ACYP2: variants seen among roughly 807,000 people sequenced by gnomAD.
ACYP2 encodes the protein acylphosphatase-2.
In ACYP2, 12 loss-of-function variants were observed where a neutral mutation model predicts 11.2. The observed-to-expected ratio is 1.08, with a 90% confidence interval of 0.69 to 1.74. The LOEUF is 1.74. Ranked by LOEUF, ACYP2 falls within the 40% of genes most tolerant of loss-of-function variation. ACYP2 has a pLI of 0.00. For synonymous variants in ACYP2, 43 were observed against 32.2 expected (o/e 1.33, Z -1.13); for missense variants, 134 against 101.9 (o/e 1.31, Z -1.35).
At chr2:54,136,135 G>T (rs1244749957) in intron 5 of ACYP2, among the ~76,000 whole-genome samples, 1 of 152,164 alleles carries the variant, frequency 6.6e-6, no homozygotes, top group Non-Finnish European at 1.5e-5. Context: ...CTAGCCTTAA[G>T]TGATCCAGCC....
chr2:54,244,555 A>G (rs562907621), intron 6 of ACYP2, among the ~76,000 whole-genome samples: 1 of 152,206 alleles, frequency 6.6e-6, no homozygotes, highest in Non-Finnish European at 1.5e-5. Context: ...CATACACCAA[A>G]TTCTGTATGC....
At chr2:54,078,350 TA>T (rs574549983) in intron 4 of ACYP2, among the ~76,000 whole-genome samples, 89 of 139,540 alleles carry the variant, frequency 6.4e-4, no homozygotes, top group Admixed American at 8.6e-4. Flanking sequence ...GATATCTTCC[TA>T]AAAAAAAAAA....
chr2:54,035,358 C>T (rs1674838829), intron 2 of ACYP2, among the ~76,000 whole-genome samples: 1 of 150,978 alleles, frequency 6.6e-6, no homozygotes, highest in African/African-American at 2.4e-5. Flanking sequence ...CTCCGCCTCC[C>T]GGGTTCACGC....
At chr2:54,008,440 A>G (rs182804818) in intron 2 of ACYP2, among the ~76,000 whole-genome samples, 1 of 152,304 alleles carries the variant, frequency 6.6e-6, no homozygotes, top group African/African-American at 2.4e-5. Context: ...AAAAGAGCAA[A>G]TAAGTCCAGA....
At chr2:54,289,542 A>G (rs1250878801) in intron 6 of ACYP2, among the ~76,000 whole-genome samples, 5 of 152,004 alleles carry the variant, frequency 3.3e-5, no homozygotes, top group Non-Finnish European at 5.9e-5. Flanking sequence ...ATTTTTGTTA[A>G]AAGTTGGCAT....
At chr2:54,099,702 T>G (rs1008336631) in intron 4 of ACYP2, among the ~76,000 whole-genome samples, 8 of 152,232 alleles carry the variant, frequency 5.3e-5, no homozygotes, top group African/African-American at 1.7e-4. Context: ...TCCATATCTT[T>G]TATTTATTTT....
intron 2 of ACYP2, among the ~76,000 whole-genome samples, chr2:54,027,614 A>T (rs1183161110): frequency 6.6e-6 from 1 of 152,106 alleles, no homozygotes; most frequent in Non-Finnish European, 1.5e-5. Context: ...GTCTTTTATT[A>T]TAGAGGTCTC....
At chr2:54,136,141 C>T (rs1472474211) in intron 5 of ACYP2, among the ~76,000 whole-genome samples, 1 of 152,124 alleles carries the variant, frequency 6.6e-6, no homozygotes, top group African/African-American at 2.4e-5. Flanking sequence ...TTAAGTGATC[C>T]AGCCACCTCA....
chr2:54,138,666 G>C lies in ACYP2; in HGVS notation c.322G>C (p.Gly108Arg). The stretch of plus-strand genomic sequence containing the variant: ...TACAGAAGATGAAGCTAGGAAAATA[G>C]GAGTGGTTGGCTGGGTGAAGAATAC... The change falls in exon 6 of 7, where the codon GGA (glycine) becomes CGA (arginine). Residue 108 changes from glycine (G) to arginine (R), a missense_variant. Coordinates refer to ENST00000607452, the MANE Select transcript of ACYP2 (RefSeq NM_001320586.2). 1 of 1,614,064 alleles carries C rather than the reference G, an allele frequency of 6.2e-7. No individual in the cohort carries two copies. Among genetic ancestry groups the C allele is most frequent in the Non-Finnish European group, 8.5e-7 (1 of 1,179,958 alleles).
intron 1 of ACYP2, among the ~76,000 whole-genome samples, chr2:53,972,812 G>T (rs564032425): frequency 6.6e-6 from 1 of 152,218 alleles, no homozygotes; most frequent in Non-Finnish European, 1.5e-5. Flanking sequence ...ACGCTGGGTA[G>T]ATAGGTGAAG....
At chr2:54,148,014 A>G (rs756459298) in intron 6 of ACYP2, among the ~76,000 whole-genome samples, 2 of 152,194 alleles carry the variant, frequency 1.3e-5, no homozygotes, top group Non-Finnish European at 2.9e-5. Context: ...CAGTAGCTCA[A>G]TAATGTCTGG....
chr2:54,058,769 T>G (rs1411649191), intron 4 of ACYP2, among the ~76,000 whole-genome samples: 1 of 150,550 alleles, frequency 6.6e-6, no homozygotes, highest in African/African-American at 2.4e-5. Flanking sequence ...TATTGGAGTA[T>G]ATATTGGTCT....
At chr2:54,200,317 G>A (rs1429891945) in intron 6 of ACYP2, among the ~76,000 whole-genome samples, 1 of 151,920 alleles carries the variant, frequency 6.6e-6, no homozygotes, top group Non-Finnish European at 1.5e-5. Flanking sequence ...GCACATACTT[G>A]CCCTCATCAT....
intron 6 of ACYP2, among the ~76,000 whole-genome samples, chr2:54,180,795 G>A (rs1356391268): frequency 1.3e-5 from 2 of 152,116 alleles, no homozygotes; most frequent in Non-Finnish European, 2.9e-5. Flanking sequence ...AGCTCAAGCA[G>A]TCGCCTGCCT....
intron 4 of ACYP2, among the ~76,000 whole-genome samples, chr2:54,111,065 G>A (rs369989039): frequency 1.3e-5 from 2 of 152,098 alleles, no homozygotes; most frequent in African/African-American, 4.8e-5. Flanking sequence ...TGGCCTTCTT[G>A]CTGGGGGCTA....
Position 54,132,278 on chromosome 2 carries a change from C to T in ACYP2, c.278-3175C>T, listed in dbSNP as rs181800563. On this transcript the variant is annotated intron_variant, in intron 4 of 6. Transcript: ENST00000607452. ...AAGTTTCTGGAATTTTCTGCTAATT[C>T]CTTTTATATCTACCAGCTAATGTCT... Among the ~76,000 whole-genome samples, 10 of 152,256 alleles carry T rather than the reference C, an allele frequency of 6.6e-5. No homozygotes were observed. The East Asian group carries it at 9.7e-4, about 15-fold the overall frequency.
At chr2:54,052,507 G>C (rs1489951910) in intron 3 of ACYP2, among the ~76,000 whole-genome samples, 1 of 152,116 alleles carries the variant, frequency 6.6e-6, no homozygotes, top group Non-Finnish European at 1.5e-5. Context: ...TTCATCTTCA[G>C]TTGTCTCTGT....
chr2:54,007,710 TA>T (rs1673154234), intron 2 of ACYP2, among the ~76,000 whole-genome samples: 1 of 152,028 alleles, frequency 6.6e-6, no homozygotes, highest in South Asian at 2.1e-4. Context: ...ACTAAAAGTA[TA>T]AAAATTAGTT....
intron 6 of ACYP2, among the ~76,000 whole-genome samples, chr2:54,176,079 C>T (rs1204108011): frequency 6.6e-6 from 1 of 152,124 alleles, no homozygotes; most frequent in Non-Finnish European, 1.5e-5. Flanking sequence ...ATTCCTGGCA[C>T]CCAGAATTGT....
Sources: allele counts gnomAD v4.1 joint callset (sites outside exome capture counted in the v4.1 genomes callset), GRCh38; gene constraint gnomAD v4.1.1; transcripts MANE v1.5; gene names NCBI Gene and HGNC (gene_info 2026-07-23, HGNC 2026-07-21).